The following LPL variants were observed in gnomAD, a reference collection of about 807,000 sequenced individuals.
LPL encodes lipoprotein lipase, also known as phospholipase A1.
A neutral mutation model predicts 52.2 loss-of-function variants in LPL; 43 were observed. That is an observed-to-expected ratio of 0.82 (90% CI 0.64 to 1.06). The LOEUF (loss-of-function observed/expected upper bound fraction) is 1.06. LPL is among the 50% of genes least tolerant of loss of function. The pLI, the probability that LPL is intolerant of heterozygous loss-of-function variation, is 0.00. For synonymous variants in LPL, 244 were observed against 215.6 expected, an observed-to-expected ratio of 1.13 and a Z score of -1.15; for missense variants, 639 against 585.3, an observed-to-expected ratio of 1.09 and a Z score of -0.95.
At position 19,966,232 on chromosome 8, in the gene LPL, G is replaced by A. The variant is rs2070088146; in HGVS notation, c.*922G>A. On this transcript the variant is annotated 3_prime_UTR_variant, in exon 10 of 10. Coordinates refer to ENST00000650287, the MANE Select transcript of LPL (RefSeq NM_000237.3). ...ACTCTTCAGTTTTAGGCTTACCTTG[G>A]TCATGCTTCAGTTGTACTTCCAGTG... 6.6e-6 allele frequency: 1 copy of A among 152,016 alleles called. No homozygotes were observed. The highest frequency in any genetic ancestry group is 1.5e-5 in the Non-Finnish European group (1 of 67,998). The allele number at this position is 152,016 out of a possible 1,614,324, so 9.4% of individuals were successfully genotyped here.
chr8:19,962,976 T>C (rs2070053164), intron 9 of LPL, among the ~76,000 whole-genome samples: 1 of 152,098 alleles, frequency 6.6e-6, no homozygotes, highest in Non-Finnish European at 1.5e-5. Context: ...ACACATCCCC[T>C]GCCAGACAGC....
At chr8:19,945,254 C>T (rs1049278752) in intron 1 of LPL, among the ~76,000 whole-genome samples, 3 of 152,208 alleles carry the variant, frequency 2.0e-5, no homozygotes, top group Non-Finnish European at 2.9e-5. Context: ...AAGTCAGTTA[C>T]TGGAGAGCTG....
chr8:19,953,711 T>G (rs1272180356), intron 4 of LPL, among the ~76,000 whole-genome samples: 2 of 99,770 alleles, frequency 2.0e-5, no homozygotes, highest in Non-Finnish European at 3.7e-5. Context: ...GCTCTGTGTT[T>G]TAGTAGTGTA....
rs186295779 is a variant in LPL at position 19,965,607 on chromosome 8, G to A, written c.*297G>A. 22 of 375,496 alleles carry A rather than the reference G, an allele frequency of 5.9e-5. 1 individual carries two copies. The highest frequency in any genetic ancestry group is 3.3e-4 in the South Asian group (6 of 18,292). 23.3% of individuals were successfully genotyped at this position (375,496 alleles called of 1,614,324 possible). A position where few individuals can be genotyped will look rare whatever the true frequency, so the allele number is the denominator to read the frequency against. ...TTGAGAAAGAAATAATTGTTTGAGC[G>A]CAGAGTAAAATAAGGCTCCTTCATG... On this transcript the variant is annotated 3_prime_UTR_variant, in exon 10 of 10. Coordinates refer to ENST00000650287, the MANE Select transcript of LPL (RefSeq NM_000237.3).
At chr8:19,962,677 A>C (rs1307710699) in intron 9 of LPL, among the ~76,000 whole-genome samples, 1 of 152,138 alleles carries the variant, frequency 6.6e-6, no homozygotes, top group Non-Finnish European at 1.5e-5. Context: ...ATAGTTCTTG[A>C]TTCTCCAAGT....
In LPL at chr8:19,966,403, C is replaced by T. The variant is rs1320363384; in HGVS notation, c.*1093C>T. 6.6e-6 allele frequency: 1 copy of T among 152,176 alleles called. No individual in the cohort carries two copies. The highest frequency in any genetic ancestry group is 2.4e-5 in the African/African-American group (1 of 41,454). The allele number at this position is 152,176 out of a possible 1,614,324, so 9.4% of individuals were successfully genotyped here. A position where few individuals can be genotyped will look rare whatever the true frequency, so the allele number is the denominator to read the frequency against. ...TCCTGGGGTGGATTCCTAAGCAGTG[C>T]TTGTAAACCATCGCGTGCAATGAGC... On this transcript the variant is annotated 3_prime_UTR_variant, in exon 10 of 10. Coordinates refer to ENST00000650287, the MANE Select transcript of LPL (RefSeq NM_000237.3).
intron 1 of LPL, among the ~76,000 whole-genome samples, chr8:19,945,259 G>A (rs1329164709): frequency 6.6e-6 from 1 of 152,040 alleles, no homozygotes; most frequent in Non-Finnish European, 1.5e-5. Flanking sequence ...AGTTACTGGA[G>A]AGCTGACTGA....
chr8:19,940,119 G>A (rs1437346881), intron 1 of LPL, among the ~76,000 whole-genome samples: 1 of 152,224 alleles, frequency 6.6e-6, no homozygotes, highest in Non-Finnish European at 1.5e-5. Flanking sequence ...GTGGCAGTGG[G>A]TGTCGGGGTG....
At chr8:19,954,423 C>A in intron 5 of LPL, 70 bp downstream of exon 5, 1 of 1,422,206 alleles carries the variant, frequency 7.0e-7, no homozygotes, top group Middle Eastern at 1.8e-4. Flanking sequence ...ATGTCCTACT[C>A]AGTAGCTTCA....
chr8:19,948,484 C>G (rs1159440416), intron 2 of LPL, 144 bp downstream of exon 2: 4 of 960,058 alleles, frequency 4.2e-6, no homozygotes, highest in Non-Finnish European at 6.1e-6. Context: ...AGTTCTGGCT[C>G]AGGTGGGATC....
rs1347445420 is a variant in LPL at position 19,957,536 on chromosome 8, T to C, written c.1018+1453T>C. ...GACACAGACAGGCTTCACTCATCCC[T>C]GCCTCCTGCACCAGTGGGTTCAAGG... On this transcript the variant is annotated intron_variant, in intron 6 of 9. Transcript: ENST00000650287. 7.9e-5 allele frequency among the ~76,000 whole-genome samples: 12 copies of C among 152,328 alleles called. No homozygotes were observed. In the East Asian group the frequency reaches 2.3e-3, roughly 29 times the overall value.
At position 19,953,395 on chromosome 8, in the gene LPL, C is replaced by T. The variant is rs1329492809; in HGVS notation, c.515C>T (p.Thr172Ile). ...AHAAGIAGSL[T>I]NKKVNRITGL... ...GCTGCTGGCATTGCAGGAAGTCTGACCAATAAGAAAGTCAACAGAATTACT... is the reference window on the plus strand; with the variant it reads ...GCTGCTGGCATTGCAGGAAGTCTGATCAATAAGAAAGTCAACAGAATTACT... The change falls in exon 4 of 10, where the codon ACC becomes ATC. Residue 172 changes from threonine to isoleucine, a missense_variant. Transcript: ENST00000650287. The T allele has an allele frequency of 4.3e-6, 7 of 1,613,790 alleles. No individual in the cohort carries two copies. Among genetic ancestry groups the T allele is most frequent in the South Asian group, 1.1e-5 (1 of 91,074 alleles).
chr8:19,962,231 G>C lies in LPL; in HGVS notation c.1427+12G>C. On this transcript the variant is annotated intron_variant, in intron 9 of 9. Transcript: ENST00000650287. The stretch of plus-strand genomic sequence containing the variant: ...AAGAAGTCAGGCTGGTGAGCATTCT[G>C]GGCTAAAGCTGACTGGGCATCCTGA... 1.2e-6 allele frequency: 2 copies of C among 1,607,358 alleles called. No homozygotes were observed. Among genetic ancestry groups the C allele is most frequent in the South Asian group, 1.1e-5 (1 of 90,888 alleles).
At position 19,959,335 on chromosome 8, in the gene LPL, C is replaced by T. The variant is rs546542623; in HGVS notation, c.1094C>T (p.Ser365Phe). Residue 365 changes from serine to phenylalanine, a missense_variant, in exon 7 of 10, where the codon TCT becomes TTT. By Grantham distance (155) the Ser-to-Phe change is radical. Coordinates refer to ENST00000650287, the MANE Select transcript of LPL (RefSeq NM_000237.3). ...ETHTNQAFEI[S>F]LYGTVAESEN... ...CATACCAATCAGGCCTTTGAGATTT[C>T]TCTGTATGGCACCGTGGCCGAGAGT... 2.5e-6 allele frequency: 4 copies of T among 1,614,142 alleles called. No homozygotes were observed. In the East Asian group the frequency reaches 8.9e-5, roughly 36 times the overall value.
Position 19,939,651 on chromosome 8 carries a change from C to A in LPL, c.88+123C>A, listed in dbSNP as rs1441546921. ...TGGATGCGCCCAGGGACTCTCCCAG[C>A]CTGGGCTCTAGCCCCGAAACGGTCC... On this transcript the variant is annotated intron_variant, in intron 1 of 9. Transcript: ENST00000650287. This position sits in a 1 kb window ranked among gnomAD's most constrained non-coding sequence, Gnocchi z 4.0. 2.0e-6 allele frequency: 2 copies of A among 1,014,090 alleles called. No individual in the cohort carries two copies. The highest frequency in any genetic ancestry group is 1.5e-5 in the South Asian group (1 of 67,342). 62.8% of individuals were successfully genotyped at this position (1,014,090 alleles called of 1,614,324 possible).
intron 9 of LPL, among the ~76,000 whole-genome samples, chr8:19,964,871 T>C (rs1414721120): frequency 2.6e-5 from 4 of 152,178 alleles, no homozygotes; most frequent in Non-Finnish European, 5.9e-5. Context: ...ATCTAGGAGG[T>C]AATTATAAAT....
Position 19,943,177 on chromosome 8 carries a change from C to T in LPL, c.88+3649C>T, listed in dbSNP as rs117680193. Reference sequence around the variant, plus strand: ...ATGTTGAAGTCTCTTTCTATGCAGTCAGGTAGGGGTAATACCATTCTGGCT... The same window carrying T: ...ATGTTGAAGTCTCTTTCTATGCAGTTAGGTAGGGGTAATACCATTCTGGCT... On this transcript the variant is annotated intron_variant, in intron 1 of 9. Transcript: ENST00000650287. 3.4e-3 allele frequency among the ~76,000 whole-genome samples: 514 copies of T among 152,274 alleles called. 1 individual carries two copies. The highest frequency in any genetic ancestry group is 5.6e-3 in the Non-Finnish European group (379 of 68,036).
At chr8:19,963,896 T>G (rs2070062153) in intron 9 of LPL, among the ~76,000 whole-genome samples, 2 of 152,152 alleles carry the variant, frequency 1.3e-5, no homozygotes, top group South Asian at 4.1e-4. Flanking sequence ...TGAGGCAATA[T>G]CATACTTTCT....
At chr8:19,959,171 TA>T in intron 6 of LPL, 88 bp from the exon 7 acceptor site, 7 of 1,541,770 alleles carry the variant, frequency 4.5e-6, no homozygotes, top group Non-Finnish European at 6.3e-6. Flanking sequence ...GCTAGTGAGA[TA>T]CTTCTGTGGT....
Sources: allele counts gnomAD v4.1 joint callset (sites outside exome capture counted in the v4.1 genomes callset), GRCh38; gene constraint gnomAD v4.1.1; non-coding constraint Gnocchi (gnomAD v3.1); transcripts MANE v1.5; gene names NCBI Gene and HGNC (gene_info 2026-07-23, HGNC 2026-07-21).